SNHG17: variants seen among roughly 807,000 people sequenced by gnomAD.
SNHG17 encodes the protein small nucleolar RNA host gene 17 (non-protein coding).
At chr20:38,425,985 G>C (rs2084240358) in exon 5 of SNHG17, 1 of 150,822 alleles carries the variant, frequency 6.6e-6, no homozygotes, top group African/African-American at 2.5e-5. Flanking sequence ...CTTGAGCCCA[G>C]GTCGAGGCTG....
exon 7 of SNHG17, chr20:38,421,046 A>G (rs1568851808): frequency 6.6e-6 from 1 of 152,204 alleles, no homozygotes; most frequent in Non-Finnish European, 1.5e-5. Flanking sequence ...CCAGATCACC[A>G]ACTCCATGGT....
At chr20:38,435,320 C>G in exon 1 of SNHG17, 12 of 1,231,236 alleles carry the variant, frequency 9.7e-6, no homozygotes, top group Non-Finnish European at 1.2e-5. Context: ...CGAGGGACGG[C>G]GAAGGACTGA....
chr20:38,428,891 G>T (rs1231818862), intron 3 of SNHG17: 1 of 152,204 alleles, frequency 6.6e-6, no homozygotes, highest in Non-Finnish European at 1.5e-5. Flanking sequence ...AAGGCTGGAG[G>T]GAAATCCTCC....
intron 5 of SNHG17, among the ~76,000 whole-genome samples, chr20:38,424,318 G>A (rs2084208764): frequency 6.6e-6 from 1 of 152,058 alleles, no homozygotes; most frequent in South Asian, 2.1e-4. Flanking sequence ...CATCTAGTGT[G>A]TAAGAGCTGC....
chr20:38,433,742 G>C (rs1242511172), intron 2 of SNHG17: 5 of 494,292 alleles, frequency 1.0e-5, no homozygotes, highest in Non-Finnish European at 1.6e-5. Context: ...CCTGAGGCAG[G>C]GACTCACCCC....
chr20:38,429,596 G>C (rs1028067551), intron 3 of SNHG17: 1 of 422,840 alleles, frequency 2.4e-6, no homozygotes, highest in African/African-American at 2.1e-5. Context: ...CCTGGGCCAG[G>C]GAGAAGAGCA....
chr20:38,424,935 T>C (rs1780636), intron 5 of SNHG17: 50,926 of 245,050 alleles, frequency 0.21, 6,859 homozygotes, highest in African/African-American at 0.43. Flanking sequence ...TCTTAGGAAA[T>C]GAGGGTTGCC....
Position 38,432,496 on chromosome 20 carries a change from C to T in SNHG17, n.309-1384G>A, listed in dbSNP as rs141652368. Among the ~76,000 whole-genome samples, 1,143 of 152,256 alleles carry T rather than the reference C, an allele frequency of 7.5e-3. 16 individuals are homozygous for T. The highest frequency in any genetic ancestry group is 0.026 in the African/African-American group (1,092 of 41,514). On this transcript the variant is annotated intron_variant and non_coding_transcript_variant, in intron 2 of 8. Transcript: ENST00000654008. ...CAGCCATGCCTAGCTATACCTCTGG[C>T]TTTGGTCGCTGACATCACAATGACA...
At chr20:38,432,201 G>T (rs771676206) in intron 2 of SNHG17, 2 of 982,278 alleles carry the variant, frequency 2.0e-6, no homozygotes. Context: ...AAGTTGGCTA[G>T]TGTTAACAGT....
intron 5 of SNHG17, chr20:38,424,980 CTGCA>C (rs2122692621): frequency 3.2e-6 from 1 of 309,012 alleles, no homozygotes; most frequent in African/African-American, 2.2e-5. Flanking sequence ...GCTATATAAT[CTGCA>C]TGCATTTTAC....
At chr20:38,423,550 TAA>T (rs34484602) in intron 5 of SNHG17, among the ~76,000 whole-genome samples, 27 of 125,004 alleles carry the variant, frequency 2.2e-4, no homozygotes, top group Non-Finnish European at 4.1e-4. Flanking sequence ...TGTGCAATGT[TAA>T]AAAAAAAAAA....
intron 1 of SNHG17, chr20:38,434,722 A>G: frequency 2.0e-6 from 1 of 510,196 alleles, no homozygotes; most frequent in Admixed American, 6.3e-5. Context: ...AGCGTCTTCC[A>G]TTTAAACCAC....
intron 2 of SNHG17, among the ~76,000 whole-genome samples, chr20:38,434,295 C>A (rs2084392875): frequency 6.6e-6 from 1 of 152,260 alleles, no homozygotes; most frequent in Non-Finnish European, 1.5e-5. Flanking sequence ...AGTTTCCCTA[C>A]TTTACAGAAA....
At chr20:38,428,928 T>C (rs1465667926) in intron 3 of SNHG17, 1 of 152,242 alleles carries the variant, frequency 6.6e-6, no homozygotes, top group Non-Finnish European at 1.5e-5. Context: ...CCAACAGAAA[T>C]GAGTTACCTC....
At chr20:38,420,959 C>A (rs1259945976) in intron 7 of SNHG17, 2 of 152,108 alleles carry the variant, frequency 1.3e-5, no homozygotes, top group South Asian at 2.1e-4. Context: ...TAAACACGGA[C>A]CAGCTGAGCC....
chr20:38,433,919 G>A, intron 2 of SNHG17: 2 of 519,240 alleles, frequency 3.9e-6, no homozygotes, highest in Non-Finnish European at 7.7e-6. Context: ...CAAACACGGG[G>A]AAGCACTTTC....
intron 3 of SNHG17, chr20:38,427,924 G>A (rs1196170642): frequency 2.0e-5 from 3 of 152,328 alleles, no homozygotes; most frequent in Non-Finnish European, 4.4e-5. Context: ...CCCCGGGCAT[G>A]GAGGCCCTAC....
At chr20:38,433,829 G>A (rs1309512065) in intron 2 of SNHG17, 1 of 519,180 alleles carries the variant, frequency 1.9e-6, no homozygotes, top group South Asian at 1.4e-5. Flanking sequence ...AAGACACCAA[G>A]TGCCAGGAGG....
At chr20:38,425,621 T>TAATA (rs939110012) in intron 5 of SNHG17, among the ~76,000 whole-genome samples, 27 of 152,290 alleles carry the variant, frequency 1.8e-4, no homozygotes, top group Middle Eastern at 3.4e-3. Flanking sequence ...AGTTCCCAAG[T>TAATA]AATACTGATG....
Sources: allele counts gnomAD v4.1 joint callset (sites outside exome capture counted in the v4.1 genomes callset), GRCh38; gene constraint gnomAD v4.1.1; transcripts MANE v1.5; gene names NCBI Gene and HGNC (gene_info 2026-07-23, HGNC 2026-07-21).